Variants in MTHFD2L observed in about 807,000 individuals in gnomAD.
The protein encoded by MTHFD2L is methylenetetrahydrofolate dehydrogenase (NADP+ dependent) 2 like.
In MTHFD2L, 29 loss-of-function variants were observed where a neutral mutation model predicts 34.9. The ratio of observed to expected loss-of-function variants is 0.83; its 90% CI spans 0.62 to 1.13. MTHFD2L has a LOEUF of 1.13. Among genes scored for constraint, MTHFD2L ranks in the 50% most tolerant of loss-of-function variants. The pLI is 0.00. For synonymous variants in MTHFD2L, 167 were observed against 155.7 expected, an observed-to-expected ratio of 1.07 and a Z score of -0.54; for missense variants, 481 against 446.5, an observed-to-expected ratio of 1.08 and a Z score of -0.70.
intron 6 of MTHFD2L, among the ~76,000 whole-genome samples, chr4:74,256,970 G>T (rs1684571026): frequency 6.6e-6 from 1 of 152,044 alleles, no homozygotes; most frequent in Non-Finnish European, 1.5e-5. Flanking sequence ...ATGGATTTTA[G>T]AATTTTTTTT....
intron 5 of MTHFD2L, among the ~76,000 whole-genome samples, chr4:74,203,831 A>AAGTTTT (rs1301912181): frequency 6.6e-6 from 1 of 152,088 alleles, no homozygotes; most frequent in Admixed American, 6.5e-5. Flanking sequence ...AAGATAAAAC[A>AAGTTTT]ATCAGTAATG....
intron 5 of MTHFD2L, among the ~76,000 whole-genome samples, chr4:74,224,341 C>T (rs1435510008): frequency 6.6e-6 from 1 of 152,128 alleles, no homozygotes; most frequent in African/African-American, 2.4e-5. Flanking sequence ...CTCCGCATTT[C>T]TTTGCTGCCT....
chr4:74,176,198 G>GT (rs1230349226), intron 3 of MTHFD2L, among the ~76,000 whole-genome samples: 7 of 151,944 alleles, frequency 4.6e-5, no homozygotes, highest in Non-Finnish European at 5.9e-5. Context: ...CTCTGGCTGC[G>GT]TAACTACGTC....
At chr4:74,283,615 T>C (rs1270559095) in intron 7 of MTHFD2L, among the ~76,000 whole-genome samples, 1 of 152,094 alleles carries the variant, frequency 6.6e-6, no homozygotes, top group African/African-American at 2.4e-5. Context: ...GTTTGGCATA[T>C]CTTGGACATC....
chr4:74,237,547 G>T (rs1741026375), intron 6 of MTHFD2L, among the ~76,000 whole-genome samples: 1 of 152,170 alleles, frequency 6.6e-6, no homozygotes, highest in South Asian at 2.1e-4. Flanking sequence ...TACTTTAGAG[G>T]CTGTGGCAGT....
intron 1 of MTHFD2L, among the ~76,000 whole-genome samples, chr4:74,150,971 A>G (rs1723902622): frequency 6.6e-6 from 1 of 152,056 alleles, no homozygotes; most frequent in Non-Finnish European, 1.5e-5. Flanking sequence ...CTGATGAAAT[A>G]ATGCTATAAT....
At chr4:74,250,577 C>T (rs923312426) in intron 6 of MTHFD2L, among the ~76,000 whole-genome samples, 5 of 152,178 alleles carry the variant, frequency 3.3e-5, no homozygotes, top group Non-Finnish European at 5.9e-5. Context: ...AAATATTTTT[C>T]TATCTGGATA....
intron 1 of MTHFD2L, among the ~76,000 whole-genome samples, chr4:74,159,223 A>G (rs1724875845): frequency 6.6e-6 from 1 of 152,180 alleles, no homozygotes; most frequent in Non-Finnish European, 1.5e-5. Context: ...ATTACTTCCT[A>G]TAGGATTTGC....
intron 3 of MTHFD2L, among the ~76,000 whole-genome samples, chr4:74,185,541 A>T (rs1476003776): frequency 6.6e-6 from 1 of 152,144 alleles, no homozygotes; most frequent in Non-Finnish European, 1.5e-5. Context: ...CCAAAGCTAG[A>T]CATATCAAGG....
chr4:74,301,634 A>C, intron 7 of MTHFD2L, 63 bp from the exon 8 acceptor site: 2 of 1,034,054 alleles, frequency 1.9e-6, no homozygotes, highest in South Asian at 1.6e-5. Flanking sequence ...AGCATGTTTA[A>C]AAATATTAAA....
At chr4:74,216,951 T>G (rs1353623693) in intron 5 of MTHFD2L, among the ~76,000 whole-genome samples, 1 of 151,802 alleles carries the variant, frequency 6.6e-6, no homozygotes, top group Non-Finnish European at 1.5e-5. Context: ...TGATCACCCA[T>G]GTCTTCCTGT....
intron 7 of MTHFD2L, among the ~76,000 whole-genome samples, chr4:74,298,766 A>G (rs1211462207): frequency 6.6e-6 from 1 of 152,010 alleles, no homozygotes; most frequent in Non-Finnish European, 1.5e-5. Context: ...TCCTGCTAAC[A>G]CTTTGAGAAA....
At chr4:74,194,115 A>G (rs1733063796) in intron 3 of MTHFD2L, 1 of 152,160 alleles carries the variant, frequency 6.6e-6, no homozygotes, top group South Asian at 2.1e-4. Context: ...AATCTCTGGT[A>G]AGTTATCTTA....
chr4:74,248,518 G>A (rs1162802710), intron 6 of MTHFD2L, among the ~76,000 whole-genome samples: 4 of 148,764 alleles, frequency 2.7e-5, no homozygotes, highest in Non-Finnish European at 6.0e-5. Context: ...CTTGCCTTCT[G>A]CTAGCTTTTG....
chr4:74,166,942 T>G (rs1478261792), intron 1 of MTHFD2L, among the ~76,000 whole-genome samples: 1 of 152,152 alleles, frequency 6.6e-6, no homozygotes, highest in Non-Finnish European at 1.5e-5. Flanking sequence ...CAGAGGACCC[T>G]GGGCAAGCCT....
chr4:74,287,968 T>G (rs1435288692), intron 7 of MTHFD2L, among the ~76,000 whole-genome samples: 1 of 152,196 alleles, frequency 6.6e-6, no homozygotes, highest in African/African-American at 2.4e-5. Flanking sequence ...ATCAGGGGAT[T>G]GATAAGGATG....
chr4:74,258,647 TAC>T (rs146819196), intron 6 of MTHFD2L, among the ~76,000 whole-genome samples: 4 of 152,146 alleles, frequency 2.6e-5, no homozygotes, highest in South Asian at 2.1e-4. Context: ...TGACTGTATA[TAC>T]ACACACATAA....
chr4:74,190,202 A>G (rs920726436), intron 3 of MTHFD2L, among the ~76,000 whole-genome samples: 2 of 152,156 alleles, frequency 1.3e-5, no homozygotes, highest in South Asian at 2.1e-4. Flanking sequence ...AGAATACACT[A>G]TTTCAAGGAC....
intron 2 of MTHFD2L, 124 bp from the exon 3 acceptor site, chr4:74,175,157 G>C: frequency 9.9e-7 from 1 of 1,013,104 alleles, no homozygotes; most frequent in East Asian, 2.5e-5. Flanking sequence ...AATCCTTCCT[G>C]ATGATGCATG....
Sources: gnomAD v4.1 joint callset for allele counts (sites outside exome capture counted in the v4.1 genomes callset) on GRCh38, gnomAD v4.1.1 for gene constraint, MANE v1.5 for transcripts, NCBI Gene and HGNC (gene_info 2026-07-23, HGNC 2026-07-21) for gene names.